Variants in MCTP1 observed in about 807,000 individuals in gnomAD.
MCTP1 encodes multiple C2 and transmembrane domain containing 1, also known as multiple C2 and transmembrane domain-containing protein 1.
Under a neutral mutation model 120.6 loss-of-function variants are expected in MCTP1, and 69 were observed. The observed-to-expected ratio is 0.57, with a 90% CI of 0.47 to 0.70. The LOEUF (loss-of-function observed/expected upper bound fraction) is 0.70, where lower values mean the gene tolerates loss of function less well. Ranked by LOEUF, MCTP1 falls within the 30% of genes least tolerant of loss-of-function variation. The pLI, the probability that MCTP1 is intolerant of heterozygous loss-of-function variation, is 0.00. For synonymous variants in MCTP1, 529 were observed against 493.1 expected (o/e 1.07, Z -0.96); for missense variants, 1,203 against 1,248.8 (o/e 0.96, Z 0.55).
chr5:94,983,316 T>C (rs1829826176), intron 2 of MCTP1, among the ~76,000 whole-genome samples: 1 of 152,188 alleles, frequency 6.6e-6, no homozygotes, highest in Admixed American at 6.5e-5. Flanking sequence ...ATGGTTGTTG[T>C]TTTAAGCTTG....
chr5:94,844,589 G>A (rs1409802103), intron 17 of MCTP1, among the ~76,000 whole-genome samples: 1 of 152,146 alleles, frequency 6.6e-6, no homozygotes, highest in Non-Finnish European at 1.5e-5. Flanking sequence ...TGTGGAGGTA[G>A]AGAGTCATGC....
intron 17 of MCTP1, among the ~76,000 whole-genome samples, chr5:94,843,318 G>A (rs1791553667): frequency 6.6e-6 from 1 of 152,158 alleles, no homozygotes; most frequent in Non-Finnish European, 1.5e-5. Flanking sequence ...TGAACAACTG[G>A]TAATGGGTAC....
chr5:95,126,108 T>TG (rs1210202404), intron 1 of MCTP1, among the ~76,000 whole-genome samples: 3 of 152,142 alleles, frequency 2.0e-5, no homozygotes, highest in African/African-American at 2.4e-5. Context: ...GCTAGAGCTA[T>TG]GGGGGGAGAA....
At chr5:94,956,492 C>T (rs1822644613) in intron 2 of MCTP1, among the ~76,000 whole-genome samples, 1 of 152,010 alleles carries the variant, frequency 6.6e-6, no homozygotes, top group South Asian at 2.1e-4. Flanking sequence ...CATGTGGTAA[C>T]CCAATGCAAG....
intron 2 of MCTP1, among the ~76,000 whole-genome samples, chr5:94,982,903 A>AAAAAAAAAAAAAAAAAAAAAAAAAAC (rs1829745277): frequency 6.8e-6 from 1 of 147,446 alleles, no homozygotes; most frequent in African/African-American, 2.5e-5. Context: ...AAAAAAAAAA[A>AAAAAAAAAAAAAAAAAAAAAAAAAAC]AAAAAAAAAA....
At chr5:95,259,396 G>A (rs1037625496) in intron 1 of MCTP1, among the ~76,000 whole-genome samples, 8 of 152,084 alleles carry the variant, frequency 5.3e-5, no homozygotes, top group African/African-American at 1.9e-4. Flanking sequence ...AGTATATATT[G>A]GGAAACTGCT....
At chr5:94,979,183 A>T (rs1458811773) in intron 2 of MCTP1, 2 of 142,526 alleles carry the variant, frequency 1.4e-5, no homozygotes, top group Non-Finnish European at 3.1e-5. Flanking sequence ...CCTACTCTCC[A>T]GGTTAAGAGG....
chr5:94,773,752 A>G (rs932840335), intron 19 of MCTP1, among the ~76,000 whole-genome samples: 2 of 152,132 alleles, frequency 1.3e-5, no homozygotes, highest in African/African-American at 4.8e-5. Context: ...TCCCCTTTAT[A>G]AAACTATCAG....
intron 1 of MCTP1, among the ~76,000 whole-genome samples, chr5:95,248,779 G>A (rs978008271): frequency 3.3e-5 from 5 of 152,082 alleles, no homozygotes; most frequent in African/African-American, 1.2e-4. Context: ...ATACTACAAG[G>A]CTACAGTAAC....
At chr5:94,797,297 A>G (rs1780309730) in intron 18 of MCTP1, among the ~76,000 whole-genome samples, 2 of 152,100 alleles carry the variant, frequency 1.3e-5, no homozygotes, top group African/African-American at 4.8e-5. Context: ...GCCCCCCCTC[A>G]TAGAATTAAG....
chr5:94,909,724 A>G (rs1807943519), intron 9 of MCTP1, among the ~76,000 whole-genome samples: 1 of 152,116 alleles, frequency 6.6e-6, no homozygotes, highest in African/African-American at 2.4e-5. Context: ...ATCATAGTTA[A>G]TGCATTAAGA....
At chr5:95,057,964 G>T (rs1401469895) in intron 1 of MCTP1, among the ~76,000 whole-genome samples, 1 of 152,086 alleles carries the variant, frequency 6.6e-6, no homozygotes, top group East Asian at 1.9e-4. Flanking sequence ...TATAATAAAA[G>T]ACTAACTTTA....
Position 94,799,052 on chromosome 5 carries a change from G to A in MCTP1, c.2517C>T (p.Phe839=). The change falls in exon 18 of 23, where the codon TTC becomes TTT. Residue 839 remains phenylalanine, a synonymous_variant. Transcript: ENST00000515393. Reference sequence around the variant, plus strand: ...TGTTATCTTTCCCTGATATTATCAAGAAGTAGTTCCATGTCAATAGTAACA... The same window carrying A: ...TGTTATCTTTCCCTGATATTATCAAAAAGTAGTTCCATGTCAATAGTAACA... ...VLLLLLTWNY[F]LIISGKDNRQ... 6.2e-7 allele frequency: 1 copy of A among 1,612,046 alleles called. No individual in the cohort carries two copies. The highest frequency in any genetic ancestry group is 8.5e-7 in the Non-Finnish European group (1 of 1,178,650).
In MCTP1 at chr5:94,743,652, T is replaced by G. The variant is rs925534584; in HGVS notation, c.2611-28766A>C. ...CCACATTTTTTTTTTTTTTTTTTTTTTTTGAGATGGAGTCTCCCTCTGTCG... is the reference window on the plus strand; with the variant it reads ...CCACATTTTTTTTTTTTTTTTTTTTGTTTGAGATGGAGTCTCCCTCTGTCG... On this transcript the variant is annotated intron_variant, in intron 19 of 22. Transcript: ENST00000515393. Among the ~76,000 whole-genome samples the G allele has an allele frequency of 2.2e-4, 33 of 149,096 alleles. 1 individual carries two copies. Among genetic ancestry groups the G allele is most frequent in the Middle Eastern group, 3.4e-3 (1 of 292 alleles).
chr5:95,211,293 C>G (rs190421654), intron 1 of MCTP1, among the ~76,000 whole-genome samples: 24,961 of 151,894 alleles, frequency 0.16, 2,315 homozygotes, highest in Non-Finnish European at 0.21. Flanking sequence ...TCCATTCTCC[C>G]TGTCACTTTC....
intron 2 of MCTP1, among the ~76,000 whole-genome samples, chr5:94,973,961 C>T (rs1482603483): frequency 6.6e-6 from 1 of 152,034 alleles, no homozygotes; most frequent in East Asian, 1.9e-4. Flanking sequence ...ATAGAACCTC[C>T]TTAAGGTCAT....
chr5:95,138,686 C>G (rs961570718), intron 1 of MCTP1, among the ~76,000 whole-genome samples: 2 of 152,178 alleles, frequency 1.3e-5, no homozygotes, highest in African/African-American at 4.8e-5. Context: ...GTCCCTCCAG[C>G]TGCCCTCACT....
chr5:94,766,004 G>A (rs1011948942), intron 19 of MCTP1, among the ~76,000 whole-genome samples: 3 of 152,150 alleles, frequency 2.0e-5, no homozygotes, highest in African/African-American at 7.2e-5. Flanking sequence ...CAGCACTTTG[G>A]GAGGCCGAGG....
chr5:95,112,422 G>A (rs537588385), intron 1 of MCTP1, among the ~76,000 whole-genome samples: 104 of 152,216 alleles, frequency 6.8e-4, no homozygotes, highest in African/African-American at 1.8e-3. Flanking sequence ...TTTTTTAAAC[G>A]TTAGCTATTT....
Sources: allele counts gnomAD v4.1 joint callset (sites outside exome capture counted in the v4.1 genomes callset), GRCh38; gene constraint gnomAD v4.1.1; transcripts MANE v1.5; gene names NCBI Gene and HGNC (gene_info 2026-07-23, HGNC 2026-07-21).